MACROD2: variants seen among roughly 807,000 people sequenced by gnomAD.
MACROD2 encodes ADP-ribose glycohydrolase MACROD2.
Under a neutral mutation model 70.4 loss-of-function variants are expected in MACROD2, and 36 were observed. The observed-to-expected ratio is 0.51, with a 90% CI of 0.39 to 0.68. The LOEUF (loss-of-function observed/expected upper bound fraction) is 0.68. Ranked by LOEUF, MACROD2 falls within the 30% of genes least tolerant of loss-of-function variation. The pLI is 0.00. For missense variants in MACROD2, 496 were observed against 538.4 expected (o/e 0.92, Z 0.78); for synonymous variants, 172 against 178.8 (o/e 0.96, Z 0.30).
chr20:14,906,089 A>G (rs1210529335), intron 5 of MACROD2: 2 of 152,200 alleles, frequency 1.3e-5, no homozygotes, highest in Admixed American at 1.3e-4. Context: ...TACTGGGGAA[A>G]AGTGATGCCT....
At chr20:14,779,993 A>G (rs986889041) in intron 5 of MACROD2, among the ~76,000 whole-genome samples, 1 of 152,118 alleles carries the variant, frequency 6.6e-6, no homozygotes, top group Non-Finnish European at 1.5e-5. Flanking sequence ...TGAAGTAGAT[A>G]TCACTGTCCT....
intron 10 of MACROD2, among the ~76,000 whole-genome samples, chr20:15,906,469 T>C (rs115470644): frequency 3.2e-3 from 492 of 152,332 alleles, no homozygotes; most frequent in African/African-American, 0.011. Flanking sequence ...TTTCTACAAA[T>C]TGGGCATTCA....
At position 15,636,076 on chromosome 20, in the gene MACROD2, G is replaced by GAAA. The variant is rs57402806; in HGVS notation, c.645+136243_645+136245dup. 2.1e-3 allele frequency among the ~76,000 whole-genome samples: 177 copies of GAAA among 85,832 alleles called. 7 individuals carry two copies. The highest frequency in any genetic ancestry group is 3.5e-3 in the African/African-American group (89 of 25,128). The allele number at this position is 85,832 out of a possible 152,430, so 56.3% of individuals were successfully genotyped here. On this transcript the variant is annotated intron_variant, in intron 8 of 17. Transcript: ENST00000684519. ...GACAGAGCGAGGCTCCCTCTCAAAA[G>GAAA]AAAAAAAAAAAAAAAAGAAAGAAAA...
At chr20:14,759,709 A>G (rs2071989081) in intron 5 of MACROD2, among the ~76,000 whole-genome samples, 1 of 152,136 alleles carries the variant, frequency 6.6e-6, no homozygotes, top group African/African-American at 2.4e-5. Flanking sequence ...GCTAAGACAA[A>G]AATGGTATAA....
chr20:14,773,440 T>C (rs984369966), intron 5 of MACROD2, among the ~76,000 whole-genome samples: 5 of 152,124 alleles, frequency 3.3e-5, no homozygotes, highest in Non-Finnish European at 5.9e-5. Context: ...TTTGAGTTTT[T>C]AGACTTCACA....
intron 4 of MACROD2, among the ~76,000 whole-genome samples, chr20:14,631,618 T>TA (rs1984514668): frequency 6.6e-6 from 1 of 151,348 alleles, no homozygotes; most frequent in Non-Finnish European, 1.5e-5. Context: ...AAAATGAAAA[T>TA]AAAAAAATTA....
At chr20:15,450,448 C>A (rs2046625415) in intron 7 of MACROD2, among the ~76,000 whole-genome samples, 1 of 151,608 alleles carries the variant, frequency 6.6e-6, no homozygotes, top group African/African-American at 2.4e-5. Context: ...TTTATGATTA[C>A]CTTTTATTTA....
intron 3 of MACROD2, among the ~76,000 whole-genome samples, chr20:14,275,738 A>G (rs2082247609): frequency 6.6e-6 from 1 of 152,198 alleles, no homozygotes; most frequent in Admixed American, 6.5e-5. Context: ...CTCATCTGAC[A>G]AAGGGCTAAT....
chr20:14,990,384 A>G (rs1013396931), intron 5 of MACROD2, among the ~76,000 whole-genome samples: 5 of 151,834 alleles, frequency 3.3e-5, no homozygotes, highest in Non-Finnish European at 5.9e-5. Flanking sequence ...CTATGTTGAG[A>G]TATCTCTGAA....
chr20:15,584,644 G>T (rs2048571677), intron 8 of MACROD2, among the ~76,000 whole-genome samples: 1 of 152,166 alleles, frequency 6.6e-6, no homozygotes, highest in Non-Finnish European at 1.5e-5. Context: ...CGTCACATCA[G>T]ACACACACGT....
chr20:14,031,630 G>A (rs939714930), intron 2 of MACROD2, among the ~76,000 whole-genome samples: 7 of 152,022 alleles, frequency 4.6e-5, no homozygotes, highest in African/African-American at 1.4e-4. Context: ...TACATTTGTA[G>A]CTATTTATAT....
intron 1 of MACROD2, among the ~76,000 whole-genome samples, chr20:14,000,623 G>A (rs1447382971): frequency 6.6e-6 from 1 of 152,270 alleles, no homozygotes; most frequent in East Asian, 1.9e-4. Context: ...GTATGGTATG[G>A]GAGACATGAA....
chr20:15,586,339 A>T (rs916619464), intron 8 of MACROD2, among the ~76,000 whole-genome samples: 10 of 152,212 alleles, frequency 6.6e-5, no homozygotes, highest in African/African-American at 2.2e-4. Context: ...CAGGGACCAC[A>T]CTGAGAACTG....
chr20:14,568,757 T>C (rs563122777), intron 4 of MACROD2, among the ~76,000 whole-genome samples: 25 of 152,092 alleles, frequency 1.6e-4, no homozygotes, highest in Non-Finnish European at 3.5e-4. Flanking sequence ...AATATTATGC[T>C]TTGAAAATGT....
chr20:15,303,967 G>A (rs1335386401), intron 6 of MACROD2, among the ~76,000 whole-genome samples: 1 of 151,998 alleles, frequency 6.6e-6, no homozygotes, highest in Non-Finnish European at 1.5e-5. Flanking sequence ...GTTTCCTATA[G>A]TATCCCCCAA....
intron 6 of MACROD2, among the ~76,000 whole-genome samples, chr20:15,392,860 C>CT (rs1265082994): frequency 2.0e-5 from 3 of 151,160 alleles, no homozygotes; most frequent in Non-Finnish European, 2.9e-5. Flanking sequence ...TTAGTTTCTG[C>CT]TTTTTTAAAA....
chr20:14,885,167 T>C (rs955907140), intron 5 of MACROD2, among the ~76,000 whole-genome samples: 2 of 152,188 alleles, frequency 1.3e-5, no homozygotes, highest in Admixed American at 1.3e-4. Flanking sequence ...TACTACATGC[T>C]CTTTAATTAA....
intron 2 of MACROD2, among the ~76,000 whole-genome samples, chr20:14,018,616 G>A (rs2053025623): frequency 6.6e-6 from 1 of 152,080 alleles, no homozygotes; most frequent in African/African-American, 2.4e-5. Flanking sequence ...ACCCTCCCAT[G>A]AATTTTTCAT....
chr20:15,667,463 C>CTATCTATG (rs1001041303), intron 8 of MACROD2, among the ~76,000 whole-genome samples: 8 of 148,904 alleles, frequency 5.4e-5, no homozygotes, highest in South Asian at 4.4e-4. Flanking sequence ...ACCTAATACA[C>CTATCTATG]TATCTATGTA....
Sources: gnomAD v4.1 joint callset for allele counts (sites outside exome capture counted in the v4.1 genomes callset) on GRCh38, gnomAD v4.1.1 for gene constraint, MANE v1.5 for transcripts, NCBI Gene and HGNC (gene_info 2026-07-23, HGNC 2026-07-21) for gene names.